The following MACROD2 variants were observed in gnomAD, a reference collection of about 807,000 sequenced individuals.
MACROD2 encodes ADP-ribose glycohydrolase MACROD2.
In MACROD2, 36 loss-of-function variants were observed where a neutral mutation model predicts 70.4. The ratio of observed to expected loss-of-function variants is 0.51; its 90% CI spans 0.39 to 0.68. The LOEUF is 0.68. Ranked by LOEUF, MACROD2 falls within the 30% of genes least tolerant of loss-of-function variation. The pLI is 0.00. For synonymous variants in MACROD2, 172 were observed against 178.8 expected, an observed-to-expected ratio of 0.96 and a Z score of 0.30; for missense variants, 496 against 538.4, an observed-to-expected ratio of 0.92 and a Z score of 0.78.
At chr20:15,352,207 C>T (rs543999209) in intron 6 of MACROD2, among the ~76,000 whole-genome samples, 2 of 152,232 alleles carry the variant, frequency 1.3e-5, no homozygotes, top group South Asian at 2.1e-4. Context: ...CAGAATTGAT[C>T]ACTTTACAGG....
At chr20:15,554,290 C>T (rs16995959) in intron 8 of MACROD2, among the ~76,000 whole-genome samples, 9,867 of 152,080 alleles carry the variant, frequency 0.065, 450 homozygotes, top group East Asian at 0.16. Flanking sequence ...GAATTTGCTC[C>T]GGTATAGTGC....
chr20:15,331,211 A>G (rs997052881), intron 6 of MACROD2, among the ~76,000 whole-genome samples: 4 of 151,862 alleles, frequency 2.6e-5, no homozygotes, highest in Middle Eastern at 3.4e-3. Context: ...GCTCATATAA[A>G]TAACTGATAA....
chr20:14,558,511 G>T (rs1979204311), intron 4 of MACROD2, among the ~76,000 whole-genome samples: 2 of 151,630 alleles, frequency 1.3e-5, no homozygotes, highest in Non-Finnish European at 3.0e-5. Flanking sequence ...TATATACCAT[G>T]TAAACATGAA....
chr20:14,158,015 G>A (rs1343385383), intron 3 of MACROD2, among the ~76,000 whole-genome samples: 1 of 152,066 alleles, frequency 6.6e-6, no homozygotes, highest in East Asian at 1.9e-4. Context: ...TTCCATAGTG[G>A]CTAGACCAAT....
intron 6 of MACROD2, among the ~76,000 whole-genome samples, chr20:15,361,410 C>T (rs966532074): frequency 6.6e-5 from 10 of 152,140 alleles, no homozygotes; most frequent in Non-Finnish European, 1.2e-4. Flanking sequence ...TTCACTATTA[C>T]GATGTATTGA....
At chr20:15,086,849 A>G (rs1411297606) in intron 5 of MACROD2, among the ~76,000 whole-genome samples, 2 of 152,136 alleles carry the variant, frequency 1.3e-5, no homozygotes, top group Non-Finnish European at 2.9e-5. Flanking sequence ...TTTACAGGAT[A>G]TTGAGAGGAC....
At chr20:15,148,686 G>A (rs980577708) in intron 5 of MACROD2, among the ~76,000 whole-genome samples, 11 of 152,032 alleles carry the variant, frequency 7.2e-5, no homozygotes, top group Non-Finnish European at 1.2e-4. Context: ...AAAAAGGAGT[G>A]TCTATACAGG....
At chr20:14,299,139 G>A (rs571651284) in intron 3 of MACROD2, among the ~76,000 whole-genome samples, 1 of 152,294 alleles carries the variant, frequency 6.6e-6, no homozygotes, top group Non-Finnish European at 1.5e-5. Flanking sequence ...GATACCTTCT[G>A]TGAAAGGAGG....
intron 15 of MACROD2, among the ~76,000 whole-genome samples, chr20:16,003,082 C>CACACA (rs2066735446): frequency 5.3e-4 from 28 of 53,036 alleles, no homozygotes; most frequent in African/African-American, 1.7e-3. Context: ...ACCCACCCAC[C>CACACA]CACACACACA....
At chr20:15,576,274 T>C (rs986621926) in intron 8 of MACROD2, among the ~76,000 whole-genome samples, 1 of 152,172 alleles carries the variant, frequency 6.6e-6, no homozygotes, top group African/African-American at 2.4e-5. Context: ...TCTGTAGTCC[T>C]ACATTCTTTG....
chr20:15,701,702 C>T (rs2050461977), intron 8 of MACROD2, among the ~76,000 whole-genome samples: 1 of 152,054 alleles, frequency 6.6e-6, no homozygotes, highest in South Asian at 2.1e-4. Flanking sequence ...CGTACATATG[C>T]AGGTTTGTTA....
chr20:15,142,509 CTTTTA>C (rs2076199177), intron 5 of MACROD2, among the ~76,000 whole-genome samples: 1 of 151,778 alleles, frequency 6.6e-6, no homozygotes, highest in African/African-American at 2.4e-5. Context: ...ATTTTTACTA[CTTTTA>C]TTTTTTTATT....
chr20:15,433,459 CAAAAAAAAA>C (rs60298297), intron 7 of MACROD2, among the ~76,000 whole-genome samples: 1 of 88,284 alleles, frequency 1.1e-5, no homozygotes, highest in African/African-American at 5.2e-5. Flanking sequence ...ACAAGAGCTG[CAAAAAAAAA>C]AAAAAAAAAA....
intron 4 of MACROD2, among the ~76,000 whole-genome samples, chr20:14,526,380 T>G (rs1178602619): frequency 6.6e-6 from 1 of 152,172 alleles, no homozygotes; most frequent in Admixed American, 6.5e-5. Flanking sequence ...TTGCAAATGA[T>G]CTATCAGTTT....
Position 14,034,984 on chromosome 20 carries a change from C to T in MACROD2, c.163+32580C>T, listed in dbSNP as rs34358885. The stretch of plus-strand genomic sequence containing the variant: ...TGATTTTTTTCTTCTTGGTCTTAAT[C>T]GGTTTTGGTTAAGCTTATTGCTTAA... On this transcript the variant is annotated intron_variant, in intron 2 of 17. Coordinates refer to ENST00000684519, the MANE Select transcript of MACROD2 (RefSeq NM_001351661.2). Among the ~76,000 whole-genome samples the T allele has an allele frequency of 4.4e-3, 666 of 151,936 alleles. 1 individual carries two copies. The highest frequency in any genetic ancestry group is 6.8e-3 in the Middle Eastern group (2 of 294).
intron 5 of MACROD2, among the ~76,000 whole-genome samples, chr20:15,055,152 G>A (rs2075474548): frequency 6.6e-6 from 1 of 152,140 alleles, no homozygotes; most frequent in South Asian, 2.1e-4. Context: ...GTTTCGCCAT[G>A]TTGGCCAGGC....
intron 5 of MACROD2, among the ~76,000 whole-genome samples, chr20:14,909,771 A>C (rs2122587561): frequency 6.6e-6 from 1 of 152,204 alleles, no homozygotes; most frequent in South Asian, 2.1e-4. Flanking sequence ...GAATTTGAAA[A>C]TCTGTTATAG....
At chr20:14,331,136 A>G (rs1259268444) in intron 3 of MACROD2, among the ~76,000 whole-genome samples, 1 of 152,076 alleles carries the variant, frequency 6.6e-6, no homozygotes, top group Non-Finnish European at 1.5e-5. Context: ...TGGGGATTTA[A>G]AAACTGATTG....
At chr20:15,050,490 T>C in intron 5 of MACROD2, among the ~76,000 whole-genome samples, 1 of 151,454 alleles carries the variant, frequency 6.6e-6, no homozygotes, top group African/African-American at 2.4e-5. Context: ...CTATTTACAT[T>C]GGATGTTTAA....
Sources: gnomAD v4.1 joint callset for allele counts (sites outside exome capture counted in the v4.1 genomes callset) on GRCh38, gnomAD v4.1.1 for gene constraint, MANE v1.5 for transcripts, NCBI Gene and HGNC (gene_info 2026-07-23, HGNC 2026-07-21) for gene names.